The following SLC9A6 variants were observed in gnomAD, a reference collection of about 807,000 sequenced individuals.
The protein encoded by SLC9A6 is sodium/hydrogen exchanger 6.
In SLC9A6, 6 loss-of-function variants were observed where a neutral mutation model predicts 45.3. The ratio of observed to expected loss-of-function variants is 0.13; its 90% CI spans 0.07 to 0.26. The LOEUF (loss-of-function observed/expected upper bound fraction) is 0.26. Ranked by LOEUF, SLC9A6 falls within the 10% of genes least tolerant of loss-of-function variation. The probability of loss-of-function intolerance (pLI) is 1.00; values close to 1 mark genes in which losing one functional copy is unlikely to be tolerated. For synonymous variants in SLC9A6, 191 were observed against 187.7 expected, an observed-to-expected ratio of 1.02 and a Z score of -0.14; for missense variants, 278 against 503.7, an observed-to-expected ratio of 0.55 and a Z score of 4.29.
chrX:136,035,624 A>G (rs2071399742), intron 16 of SLC9A6, among the ~76,000 whole-genome samples: 1 of 112,170 alleles, frequency 8.9e-6, no homozygotes, highest in African/African-American at 3.2e-5. Context: ...GCTTTTGGCT[A>G]TTACAAAAAC....
At position 136,033,431 on chromosome X, in the gene SLC9A6, A is replaced by C. The variant is rs781949645; in HGVS notation, c.1599A>C (p.Glu533Asp). The C allele has an allele frequency of 6.0e-6, 7 of 1,176,143 alleles. No homozygotes were observed. The East Asian group carries it at 2.2e-4, about 36-fold the overall frequency. ...ATCTGCAGGGTGTTCCTGAAAATGA[A>C]AGGAGAACTACCAAAGCAGAGAGTG... ...DQEHLGVPEN[E>D]RRTTKAESAW... The change falls in exon 16 of 18, where the codon GAA (glutamate) becomes GAC (aspartate). Residue 533 changes from glutamate (E) to aspartate (D), a missense_variant. Around this residue, in one of 5 missense-constraint regions of SLC9A6, gnomAD observed 91 missense variants for 125.1 expected, o/e 0.73. Coordinates refer to ENST00000630721, the MANE Select transcript of SLC9A6 (RefSeq NM_001379110.1).
At chrX:135,974,095 A>G, upstream of SLC9A6, 1 of 13,591 alleles carries the variant, frequency 7.4e-5, no homozygotes, top group South Asian at 1.1e-3. Context: ...GGGTAGGCAG[A>G]CGGGCGGGGT....
chrX:135,977,581 T>C (rs2089268555), intron 1 of SLC9A6, among the ~76,000 whole-genome samples: 1 of 112,213 alleles, frequency 8.9e-6, no homozygotes, highest in Non-Finnish European at 1.9e-5. Context: ...TATATACCTA[T>C]TGTAGGCACA....
At chrX:136,033,005 A>G (rs1434714312) in intron 15 of SLC9A6, 1 of 138,705 alleles carries the variant, frequency 7.2e-6, no homozygotes, top group Non-Finnish European at 1.4e-5. Flanking sequence ...CTGGGATTAC[A>G]GGCAGGCCCC....
intron 6 of SLC9A6, among the ~76,000 whole-genome samples, chrX:135,999,170 T>TG (rs2089546962): frequency 1.8e-5 from 2 of 110,736 alleles, no homozygotes; most frequent in Non-Finnish European, 3.8e-5. Flanking sequence ...CCTTTTTTTT[T>TG]TTTTAATTAC....
intron 9 of SLC9A6, 90 bp downstream of exon 9, chrX:136,013,144 T>C: frequency 4.1e-6 from 3 of 736,083 alleles, no homozygotes; most frequent in Non-Finnish European, 6.5e-6. Flanking sequence ...TCCGTTAGTA[T>C]TTGAACATAC....
In SLC9A6 at chrX:136,044,708, G is replaced by A. The variant is rs782549089; in HGVS notation, c.2024G>A (p.Arg675Lys). The A allele has an allele frequency of 8.3e-7, 1 of 1,210,843 alleles. No individual in the cohort carries two copies. The highest frequency in any genetic ancestry group is 2.2e-5 in the Admixed American group (1 of 46,003). The change falls in exon 18 of 18, where the codon AGA (arginine) becomes AAA (lysine). Residue 675 changes from arginine to lysine, a missense_variant. Coordinates refer to ENST00000630721, the MANE Select transcript of SLC9A6 (RefSeq NM_001379110.1). ...CCGCTAAATTTGTTAGATAATACGA[G>A]ACATGGTCCAGCCTAAGCTTACTAA... ...EPPLNLLDNT[R>K]HGPA
At chrX:136,002,489 C>A (rs2089596727) in intron 7 of SLC9A6, among the ~76,000 whole-genome samples, 1 of 111,132 alleles carries the variant, frequency 9.0e-6, no homozygotes, top group African/African-American at 3.3e-5. Context: ...ATTGTAGTGT[C>A]TGTATAATTT....
upstream of SLC9A6, among the ~76,000 whole-genome samples, chrX:135,982,565 C>G (rs1429723693): frequency 9.1e-6 from 1 of 110,094 alleles, no homozygotes; most frequent in African/African-American, 3.3e-5. Context: ...CCTCCATCTC[C>G]TGGACTCAAG....
At chrX:135,994,253 C>T (rs933188642) in intron 2 of SLC9A6, among the ~76,000 whole-genome samples, 1 of 109,179 alleles carries the variant, frequency 9.2e-6, no homozygotes, top group Non-Finnish European at 1.9e-5. Context: ...TACAGGCGCC[C>T]GCCACCACGC....
intron 6 of SLC9A6, among the ~76,000 whole-genome samples, chrX:135,999,932 A>G (rs565059256): frequency 9.0e-6 from 1 of 110,719 alleles, no homozygotes; most frequent in South Asian, 3.9e-4. Context: ...GGGAAGGAGA[A>G]AAATGTGTTC....
rs1157781175 is a variant in SLC9A6, at chrX:136,046,440, A to G, written c.*1716A>G. The G allele has an allele frequency of 1.8e-5, 2 of 112,931 alleles. No homozygotes were observed. The highest frequency in any genetic ancestry group is 6.5e-5 in the African/African-American group (2 of 30,983). The allele number at this position is 112,931 out of a possible 1,213,427, so 9.3% of individuals were successfully genotyped here. ...TGTTTTACATGATGTGTGCCTCTTC[A>G]CGCAGTAAATAGTTTCTTGTTAATG... On this transcript the variant is annotated 3_prime_UTR_variant, in exon 18 of 18. Coordinates refer to ENST00000630721, the MANE Select transcript of SLC9A6 (RefSeq NM_001379110.1).
chrX:136,010,230 C>G (rs1356175933), intron 7 of SLC9A6: 12 of 330,392 alleles, frequency 3.6e-5, no homozygotes, highest in Non-Finnish European at 6.5e-5. Context: ...TTCTACCCCC[C>G]CCCCGAAATT....
rs189345572 is a variant in SLC9A6, at chrX:136,004,769, T to G, written c.743+2556T>G. ...GTCTGCAACTAATATAAATTTAACT[T>G]GAGAAATAAAACCTAAAGGCTGTAA... On this transcript the variant is annotated intron_variant, in intron 7 of 17. Coordinates refer to ENST00000630721, the MANE Select transcript of SLC9A6 (RefSeq NM_001379110.1). 4.7e-3 allele frequency among the ~76,000 whole-genome samples: 529 copies of G among 112,271 alleles called. 2 individuals are homozygous for G. Among genetic ancestry groups the G allele is most frequent in the Non-Finnish European group, 6.5e-3 (344 of 53,274 alleles).
chrX:135,985,940 C>G, intron 2 of SLC9A6, 113 bp downstream of exon 2: 2 of 929,484 alleles, frequency 2.2e-6, no homozygotes, highest in Non-Finnish European at 3.1e-6. Flanking sequence ...CCTTCTAATT[C>G]CTTCCATTTT....
At chrX:136,038,312 TC>T (rs59531572) in intron 16 of SLC9A6, among the ~76,000 whole-genome samples, 3,347 of 112,302 alleles carry the variant, frequency 0.03, 44 homozygotes, top group South Asian at 0.12. Flanking sequence ...TTTATATTTT[TC>T]TTCTTTAATC....
At chrX:135,997,608 A>G (rs2089524264) in intron 3 of SLC9A6, among the ~76,000 whole-genome samples, 1 of 104,546 alleles carries the variant, frequency 9.6e-6, no homozygotes, top group South Asian at 4.4e-4. Context: ...GGGCTTCACC[A>G]TGTTGGCTAG....
At chrX:135,999,072 A>G (rs1421754684) in intron 6 of SLC9A6, 104 bp downstream of exon 6, 1 of 570,443 alleles carries the variant, frequency 1.8e-6, no homozygotes, top group South Asian at 2.3e-5. Flanking sequence ...ATGATTAGAT[A>G]CTTCCTTAGT....
chrX:136,004,682 T>A (rs1335719775), intron 7 of SLC9A6, among the ~76,000 whole-genome samples: 1 of 111,936 alleles, frequency 8.9e-6, no homozygotes, highest in Non-Finnish European at 1.9e-5. Context: ...TTTTTGTGAA[T>A]GCAATGTATG....
Sources: gnomAD v4.1 joint callset for allele counts (sites outside exome capture counted in the v4.1 genomes callset) on GRCh38, gnomAD v4.1.1 for gene constraint, gnomAD v4.1.1 regional missense constraint, MANE v1.5 for transcripts, NCBI Gene and HGNC (gene_info 2026-07-23, HGNC 2026-07-21) for gene names.